DGKB: variants seen among roughly 807,000 people sequenced by gnomAD.
The protein encoded by DGKB is diacylglycerol kinase beta.
DGKB carries 67 observed loss-of-function variants against 114.3 expected under a neutral mutation model. That is an observed-to-expected ratio of 0.59 (90% CI 0.48 to 0.72). DGKB has a LOEUF of 0.72. DGKB is among the 30% of genes least tolerant of loss of function. The pLI is 0.00. For missense variants in DGKB, 907 were observed against 975.2 expected (o/e 0.93, Z 0.93); for synonymous variants, 398 against 323.1 (o/e 1.23, Z -2.49).
intron 10 of DGKB, among the ~76,000 whole-genome samples, chr7:14,684,891 CAT>C (rs1393061116): frequency 1.3e-5 from 2 of 151,300 alleles, no homozygotes; most frequent in Admixed American, 6.6e-5. Flanking sequence ...AAGTCACTAA[CAT>C]GTGGGGAGGG....
chr7:14,757,698 T>C lies in DGKB; in HGVS notation c.104A>G (p.Glu35Gly). The change falls in exon 3 of 26, where the codon GAA (glutamate) becomes GGA (glycine). Residue 35 changes from glutamate to glycine, a missense_variant. Coordinates refer to ENST00000402815, the MANE Select transcript of DGKB (RefSeq NM_001350709.2). ...STKKLKDVLE[E>G]FHGNGVLAKY... Reference sequence around the variant, plus strand: ...TGCAAGCACACCATTACCATGGAATTCTTCAAGAACATCCTTTAATTTCTT... The same window carrying C: ...TGCAAGCACACCATTACCATGGAATCCTTCAAGAACATCCTTTAATTTCTT... 6.2e-7 allele frequency: 1 copy of C among 1,606,204 alleles called. No individual in the cohort carries two copies. The highest frequency in any genetic ancestry group is 8.5e-7 in the Non-Finnish European group (1 of 1,174,652).
At chr7:14,906,119 G>A (rs370446716), upstream of DGKB, among the ~76,000 whole-genome samples, 2 of 151,582 alleles carry the variant, frequency 1.3e-5, no homozygotes, top group African/African-American at 4.8e-5. Flanking sequence ...GGCTTTCAGG[G>A]TCCTATTTAA....
intron 13 of DGKB, among the ~76,000 whole-genome samples, chr7:14,652,910 A>T (rs1168482799): frequency 6.6e-6 from 1 of 152,118 alleles, no homozygotes; most frequent in Non-Finnish European, 1.5e-5. Context: ...AAAAATGCTC[A>T]TCATCACTGG....
chr7:14,228,086 A>T (rs1312417765), intron 23 of DGKB, among the ~76,000 whole-genome samples: 2 of 152,156 alleles, frequency 1.3e-5, no homozygotes, highest in East Asian at 3.9e-4. Flanking sequence ...ATCATGGAGA[A>T]TTTCTGGCTT....
At chr7:14,973,178 G>C (rs75491102) in intron 1 of DGKB, among the ~76,000 whole-genome samples, 4 of 151,836 alleles carry the variant, frequency 2.6e-5, no homozygotes, top group Non-Finnish European at 5.9e-5. Context: ...CCGTCTTGAA[G>C]TTTCTACATA....
At chr7:14,832,003 G>C (rs1363344068) in intron 2 of DGKB, among the ~76,000 whole-genome samples, 1 of 151,866 alleles carries the variant, frequency 6.6e-6, no homozygotes, top group African/African-American at 2.4e-5. Flanking sequence ...AAAGATAGTA[G>C]AACAATAACT....
chr7:14,567,189 AT>A (rs1228207749), intron 20 of DGKB, among the ~76,000 whole-genome samples: 1 of 89,442 alleles, frequency 1.1e-5, no homozygotes, highest in Non-Finnish European at 2.0e-5. Flanking sequence ...ATAATTATAT[AT>A]TTATATATTA....
intron 1 of DGKB, among the ~76,000 whole-genome samples, chr7:14,973,153 A>G (rs900897249): frequency 1.3e-5 from 2 of 152,028 alleles, no homozygotes; most frequent in Admixed American, 1.3e-4. Flanking sequence ...CTAAAAATAC[A>G]AGTCTGAAAT....
chr7:14,879,589 C>G (rs1047237007), intron 1 of DGKB, among the ~76,000 whole-genome samples: 1 of 152,100 alleles, frequency 6.6e-6, no homozygotes, highest in African/African-American at 2.4e-5. Flanking sequence ...CTATGAAGCC[C>G]CAAGTATCTC....
chr7:14,208,828 C>A (rs533269933), intron 23 of DGKB, among the ~76,000 whole-genome samples: 1 of 151,422 alleles, frequency 6.6e-6, no homozygotes. Flanking sequence ...TATATGAGTG[C>A]TCCAAGAGTT....
At chr7:14,547,774 G>A (rs1044384734) in intron 20 of DGKB, among the ~76,000 whole-genome samples, 3 of 152,084 alleles carry the variant, frequency 2.0e-5, no homozygotes, top group Non-Finnish European at 4.4e-5. Flanking sequence ...GATTAAATTA[G>A]CTATGGAACA....
At chr7:14,314,602 A>C (rs560556935) in intron 23 of DGKB, among the ~76,000 whole-genome samples, 2 of 152,162 alleles carry the variant, frequency 1.3e-5, no homozygotes, top group African/African-American at 2.4e-5. Flanking sequence ...AAAAGAAATG[A>C]GCAAAGCCTC....
chr7:14,607,977 T>C (rs1157945491), intron 16 of DGKB, among the ~76,000 whole-genome samples: 2 of 152,042 alleles, frequency 1.3e-5, no homozygotes, highest in Non-Finnish European at 2.9e-5. Flanking sequence ...GTACATTGTA[T>C]ATGTGTACAT....
At chr7:14,174,109 T>C (rs915643555) in intron 25 of DGKB, among the ~76,000 whole-genome samples, 1 of 152,130 alleles carries the variant, frequency 6.6e-6, no homozygotes, top group Non-Finnish European at 1.5e-5. Context: ...GGGAGAAAGG[T>C]AGTCCGTCAT....
chr7:14,781,775 C>T (rs58312995), intron 2 of DGKB, among the ~76,000 whole-genome samples: 2 of 152,136 alleles, frequency 1.3e-5, no homozygotes, highest in Non-Finnish European at 2.9e-5. Flanking sequence ...GGCTTATCCT[C>T]ATTACTGTAC....
intron 13 of DGKB, among the ~76,000 whole-genome samples, chr7:14,646,105 C>T (rs573102994): frequency 2.6e-5 from 4 of 152,238 alleles, no homozygotes; most frequent in Admixed American, 6.5e-5. Flanking sequence ...CAAGATCCAA[C>T]TATATGCTGC....
intron 5 of DGKB, among the ~76,000 whole-genome samples, chr7:14,732,067 A>G (rs1831002494): frequency 6.6e-6 from 1 of 152,182 alleles, no homozygotes; most frequent in Non-Finnish European, 1.5e-5. Flanking sequence ...AGCTATACAT[A>G]TGCATATGTA....
At chr7:14,304,889 T>G (rs1804211951) in intron 23 of DGKB, among the ~76,000 whole-genome samples, 1 of 152,098 alleles carries the variant, frequency 6.6e-6, no homozygotes. Flanking sequence ...ACAGAAGCAG[T>G]TTTAGCTTTG....
At position 14,731,748 on chromosome 7, in the gene DGKB, A is replaced by C. The variant is rs140984430; in HGVS notation, c.322+4293T>G. Among the ~76,000 whole-genome samples the C allele has an allele frequency of 4.4e-3, 672 of 152,304 alleles. 6 individuals are homozygous for C. Among genetic ancestry groups the C allele is most frequent in the African/African-American group, 0.016 (649 of 41,572 alleles). ...AACTGATTTTAAAAGTGTATAAAGA[A>C]GGAAATTAACAAATGGTGGGCCCCA... On this transcript the variant is annotated intron_variant, in intron 5 of 25. Transcript: ENST00000402815.
Sources: allele counts gnomAD v4.1 joint callset (sites outside exome capture counted in the v4.1 genomes callset), GRCh38; gene constraint gnomAD v4.1.1; transcripts MANE v1.5; gene names NCBI Gene and HGNC (gene_info 2026-07-23, HGNC 2026-07-21).